Variants in FAM53A observed in about 807,000 individuals in gnomAD.
The protein encoded by FAM53A is protein FAM53A.
A neutral mutation model predicts 26.6 loss-of-function variants in FAM53A; 28 were observed. That is an observed-to-expected ratio of 1.05 (90% confidence interval 0.78 to 1.45). FAM53A has a LOEUF of 1.45. Ranked by LOEUF, FAM53A falls within the 40% of genes most tolerant of loss-of-function variation. FAM53A has a pLI of 0.00. For synonymous variants in FAM53A, 290 were observed against 253.1 expected (o/e 1.15, Z -1.38); for missense variants, 650 against 575.8 (o/e 1.13, Z -1.32).
intron 2 of FAM53A, among the ~76,000 whole-genome samples, chr4:1,664,589 G>C (rs1024447011): frequency 2.0e-5 from 3 of 152,188 alleles, no homozygotes; most frequent in Non-Finnish European, 4.4e-5. Flanking sequence ...TAGATATTCA[G>C]TTGACATGGG....
chr4:1,647,990 C>G (rs1435191035), intron 4 of FAM53A, among the ~76,000 whole-genome samples: 1 of 152,174 alleles, frequency 6.6e-6, no homozygotes, highest in East Asian at 1.9e-4. Flanking sequence ...AGGAAGATGG[C>G]TTGAGCCCAG....
At chr4:1,598,448 C>T in the FAM53A span, among the ~76,000 whole-genome samples, 3 of 152,200 alleles carry the variant, frequency 2.0e-5, no homozygotes, top group African/African-American at 7.2e-5. Flanking sequence ...TGACGGGGGC[C>T]GCAATCCCCA....
At chr4:1,633,354 G>A (rs1323968230) in intron 1 of FAM53A, among the ~76,000 whole-genome samples, 1 of 152,130 alleles carries the variant, frequency 6.6e-6, no homozygotes, top group Non-Finnish European at 1.5e-5. Context: ...TGGGTCAGAG[G>A]GTAAATAAAA....
At chr4:1,621,945 G>A (rs28522497) in intron 1 of FAM53A, among the ~76,000 whole-genome samples, 54,102 of 152,044 alleles carry the variant, frequency 0.36, 10,176 homozygotes, top group African/African-American at 0.46. Flanking sequence ...GTTTGGGTCG[G>A]ACGGCACCGC....
intron 2 of FAM53A, among the ~76,000 whole-genome samples, chr4:1,665,186 C>T (rs1560188295): frequency 6.6e-6 from 1 of 151,860 alleles, no homozygotes; most frequent in Non-Finnish European, 1.5e-5. Context: ...GGCGTGGTGG[C>T]GCATGCCTGT....
In FAM53A at chr4:1,682,916, C is replaced by G. The variant is rs144263023; in HGVS notation, c.-165+1317G>C. Among the ~76,000 whole-genome samples, 938 of 152,338 alleles carry G rather than the reference C, an allele frequency of 6.2e-3. 19 individuals are homozygous for G. Among genetic ancestry groups the G allele is most frequent in the African/African-American group, 0.022 (904 of 41,580 alleles). ...GCATCCAAAGGGGCGGGACAATTAC[C>G]AAGGCCTCAGTGAGTGTGACCCTCA... On this transcript the variant is annotated intron_variant, in intron 1 of 4. Coordinates refer to ENST00000308132, the MANE Select transcript of FAM53A (RefSeq NM_001174070.3).
chr4:1,655,164 C>T lies in FAM53A; in HGVS notation c.696G>A (p.Ala232=), dbSNP rs577321671. 5.0e-5 allele frequency: 78 copies of T among 1,574,932 alleles called. No homozygotes were observed. Among genetic ancestry groups the T allele is most frequent in the Non-Finnish European group, 6.0e-5 (70 of 1,165,550 alleles). The change falls in exon 4 of 5, where the codon GCG becomes GCA. Residue 232 remains alanine, a synonymous_variant. Coordinates refer to ENST00000308132, the MANE Select transcript of FAM53A (RefSeq NM_001174070.3). ...TGCTGGCCCAGGGCAGGGGAGTGCC[C>T]GCACCCGCGAGTCGCTCCTGTGAGA... ...PSLSQERLAG[A]GTPLPWASSS... is the part of the protein sequence containing the mutation.
rs1714217360 is a variant in FAM53A at position 1,666,209 on chromosome 4, CCT to C, written c.75+2456_75+2457del. 2.2e-5 allele frequency among the ~76,000 whole-genome samples: 3 copies of C among 138,690 alleles called. No individual in the cohort carries two copies. In the South Asian group the frequency reaches 7.5e-4, roughly 35 times the overall value. 91.0% of individuals were successfully genotyped at this position (138,690 alleles called of 152,430 possible). On this transcript the variant is annotated intron_variant, in intron 2 of 4. Transcript: ENST00000308132. The stretch of plus-strand genomic sequence containing the variant: ...TGCACACCCTGTATCTAAAATAAAA[CCT>C]GCACCTGCACCCCCTGTATCTAAAA...
chr4:1,646,238 A>C (rs62287661), intron 4 of FAM53A, among the ~76,000 whole-genome samples: 34,551 of 151,946 alleles, frequency 0.23, 4,280 homozygotes, highest in Middle Eastern at 0.29. Flanking sequence ...GTAGCTGGGA[A>C]TACAGGCGTC....
At chr4:1,674,275 C>T (rs144768003) in intron 1 of FAM53A, among the ~76,000 whole-genome samples, 4 of 152,320 alleles carry the variant, frequency 2.6e-5, no homozygotes, top group East Asian at 3.9e-4. Context: ...TTCTCCCCAG[C>T]GCCACAGAGT....
chr4:1,631,808 C>T (rs112628277), intron 1 of FAM53A, among the ~76,000 whole-genome samples: 104 of 152,250 alleles, frequency 6.8e-4, no homozygotes, highest in African/African-American at 2.2e-3. Flanking sequence ...TTCCTGAGGA[C>T]GGGGGACACA....
chr4:1,685,319 A>G (rs757544354), upstream of FAM53A, among the ~76,000 whole-genome samples: 4 of 151,966 alleles, frequency 2.6e-5, no homozygotes, highest in East Asian at 1.9e-4. Flanking sequence ...GTGCCTCCCC[A>G]TGTGCGTCCC....
intron 4 of FAM53A, among the ~76,000 whole-genome samples, chr4:1,645,892 G>A (rs1712197461): frequency 6.6e-6 from 1 of 152,202 alleles, no homozygotes; most frequent in South Asian, 2.1e-4. Flanking sequence ...TCTCTACCAT[G>A]GTGTTGGGAG....
chr4:1,656,796 A>C (rs1713418156), intron 3 of FAM53A, among the ~76,000 whole-genome samples: 1 of 151,990 alleles, frequency 6.6e-6, no homozygotes, highest in Non-Finnish European at 1.5e-5. Context: ...TAACGGGCCC[A>C]CTCTGCGTGA....
the FAM53A span, among the ~76,000 whole-genome samples, chr4:1,608,518 G>A: frequency 1.3e-5 from 2 of 152,238 alleles, no homozygotes; most frequent in Admixed American, 1.3e-4. Context: ...TGTCCTGCTG[G>A]TTCCTGAGGG....
intron 1 of FAM53A, among the ~76,000 whole-genome samples, chr4:1,670,554 G>T (rs1196535886): frequency 6.6e-6 from 1 of 152,188 alleles, no homozygotes; most frequent in Non-Finnish European, 1.5e-5. Context: ...TCAGCTAAAG[G>T]CTGTGCCCGC....
chr4:1,632,773 G>A lies in FAM53A; in HGVS notation c.432-14662C>T, dbSNP rs115389444. ...CACACTACACAGTGCTCACACGTGT[G>A]CATATTATACAGTTGTACATGGACA... On this transcript the variant is annotated intron_variant, in intron 1 of 1. Coordinates refer to the FAM53A transcript ENST00000489029. 1.2e-3 allele frequency among the ~76,000 whole-genome samples: 177 copies of A among 152,242 alleles called. 1 individual carries two copies. The highest frequency in any genetic ancestry group is 2.2e-3 in the Non-Finnish European group (151 of 68,018).
At chr4:1,680,502 T>C (rs1022150426) in intron 1 of FAM53A, among the ~76,000 whole-genome samples, 4 of 152,098 alleles carry the variant, frequency 2.6e-5, no homozygotes, top group African/African-American at 9.7e-5. Context: ...TAAAAACTTA[T>C]GTCCACACAA....
the FAM53A span, among the ~76,000 whole-genome samples, chr4:1,600,343 T>G: frequency 1.3e-5 from 2 of 151,992 alleles, no homozygotes; most frequent in African/African-American, 2.4e-5. Context: ...AGTCAGCAGG[T>G]GGACACGGCA....
Sources: allele counts gnomAD v4.1 joint callset (sites outside exome capture counted in the v4.1 genomes callset), GRCh38; gene constraint gnomAD v4.1.1; transcripts MANE v1.5; gene names NCBI Gene and HGNC (gene_info 2026-07-23, HGNC 2026-07-21).